TRAPPC8: variants seen among roughly 807,000 people sequenced by gnomAD.
TRAPPC8 encodes general sporulation gene 1 homolog.
TRAPPC8 carries 54 observed loss-of-function variants against 174.3 expected under a neutral mutation model. That is an observed-to-expected ratio of 0.31 (90% CI 0.25 to 0.39). The LOEUF is 0.39. TRAPPC8 is among the 10% of genes least tolerant of loss of function. TRAPPC8 has a pLI of 1.00. For synonymous variants in TRAPPC8, 630 were observed against 579.9 expected (o/e 1.09, Z -1.24); for missense variants, 1,531 against 1,699.1 (o/e 0.90, Z 1.74).
chr18:31,865,730 A>C (rs903661070), intron 18 of TRAPPC8, among the ~76,000 whole-genome samples: 2 of 151,800 alleles, frequency 1.3e-5, no homozygotes, highest in Admixed American at 1.3e-4. Context: ...TGGGAAAAGA[A>C]AGGAGATTCA....
intron 12 of TRAPPC8, among the ~76,000 whole-genome samples, chr18:31,875,549 C>T (rs2145230467): frequency 6.6e-6 from 1 of 152,188 alleles, no homozygotes; most frequent in South Asian, 2.1e-4. Flanking sequence ...CAAGACATGA[C>T]GGGGTTCTCT....
Position 31,830,482 on chromosome 18 carries a change from T to A in TRAPPC8, c.*273A>T. 1 of 363,162 alleles carries A rather than the reference T, an allele frequency of 2.8e-6. No homozygotes were observed. Among genetic ancestry groups the A allele is most frequent in the Non-Finnish European group, 5.0e-6 (1 of 200,192 alleles). 22.5% of individuals were successfully genotyped at this position (363,162 alleles called of 1,614,324 possible). The stretch of plus-strand genomic sequence containing the variant: ...CAGCAGACTTAGACTTTGTGTTTTC[T>A]TAAGATGGGGCTTAATAAGGTGCAC... On this transcript the variant is annotated 3_prime_UTR_variant, in exon 29 of 29. Coordinates refer to ENST00000283351, the MANE Select transcript of TRAPPC8 (RefSeq NM_014939.5).
chr18:31,903,455 A>G (rs2036531596), intron 9 of TRAPPC8, among the ~76,000 whole-genome samples: 1 of 152,216 alleles, frequency 6.6e-6, no homozygotes, highest in Non-Finnish European at 1.5e-5. Flanking sequence ...AGATTAGCCT[A>G]GCTTAAGATT....
chr18:31,913,534 A>G lies in TRAPPC8; in HGVS notation c.618-12T>C. ...AAATTGATTCAGCTCTAAAACAGAA[A>G]ATGGAAAAAAATCTGAAGTAAAAGA... On this transcript the variant is annotated splice_polypyrimidine_tract_variant and intron_variant, in intron 4 of 28. Coordinates refer to ENST00000283351, the MANE Select transcript of TRAPPC8 (RefSeq NM_014939.5). 1 of 1,562,124 alleles carries G rather than the reference A, an allele frequency of 6.4e-7. No homozygotes were observed. The highest frequency in any genetic ancestry group is 2.3e-5 in the East Asian group (1 of 44,116).
chr18:31,864,528 C>G, intron 19 of TRAPPC8, 99 bp downstream of exon 19: 1 of 1,130,350 alleles, frequency 8.8e-7, no homozygotes, highest in Non-Finnish European at 1.3e-6. Context: ...AAGTATAGTT[C>G]AATGTAATAT....
intron 19 of TRAPPC8, among the ~76,000 whole-genome samples, chr18:31,860,088 T>C (rs2034249844): frequency 6.6e-6 from 1 of 152,038 alleles, no homozygotes; most frequent in Admixed American, 6.6e-5. Flanking sequence ...TTTTAAATAG[T>C]TGATATTTGT....
At chr18:31,848,581 A>G (rs1411704054) in intron 25 of TRAPPC8, among the ~76,000 whole-genome samples, 2 of 152,218 alleles carry the variant, frequency 1.3e-5, no homozygotes, top group Non-Finnish European at 2.9e-5. Flanking sequence ...CATTTGAAAC[A>G]TGCAAAGTCA....
At chr18:31,879,990 A>AT (rs1185621417) in intron 12 of TRAPPC8, among the ~76,000 whole-genome samples, 1 of 148,240 alleles carries the variant, frequency 6.7e-6, no homozygotes, top group Non-Finnish European at 1.5e-5. Flanking sequence ...AAATAAATAA[A>AT]CAACCAAATG....
chr18:31,858,643 T>TCA (rs1177143248), intron 19 of TRAPPC8, among the ~76,000 whole-genome samples: 6 of 152,174 alleles, frequency 3.9e-5, no homozygotes, highest in African/African-American at 1.4e-4. Flanking sequence ...TTACATAACT[T>TCA]CACACACACA....
At chr18:31,866,777 T>C (rs2034606440) in intron 18 of TRAPPC8, 72 bp downstream of exon 18, 1 of 1,528,608 alleles carries the variant, frequency 6.5e-7, no homozygotes, top group African/African-American at 1.4e-5. Context: ...AAATACATCA[T>C]TTTTGTCCAT....
In TRAPPC8 at chr18:31,860,540, A is replaced by G. The variant is rs185164309; in HGVS notation, c.2746-2558T>C. Among the ~76,000 whole-genome samples, 317 of 152,284 alleles carry G rather than the reference A, an allele frequency of 2.1e-3. 3 individuals are homozygous for G. The highest frequency in any genetic ancestry group is 7.1e-3 in the African/African-American group (297 of 41,554). On this transcript the variant is annotated intron_variant, in intron 19 of 28. Coordinates refer to ENST00000283351, the MANE Select transcript of TRAPPC8 (RefSeq NM_014939.5). Reference sequence around the variant, plus strand: ...GTTTGATAAATATATATTGTTACAGATTATTTCATCATACAGTATAGATGG... The same window carrying G: ...GTTTGATAAATATATATTGTTACAGGTTATTTCATCATACAGTATAGATGG...
At chr18:31,873,189 T>C (rs2034970667) in intron 14 of TRAPPC8, among the ~76,000 whole-genome samples, 1 of 151,840 alleles carries the variant, frequency 6.6e-6, no homozygotes, top group Non-Finnish European at 1.5e-5. Context: ...AGCTAATTTT[T>C]TGTATTTTTA....
rs202118419 is a variant in TRAPPC8 at position 31,873,410 on chromosome 18, C to T, written c.2062+20G>A. On this transcript the variant is annotated intron_variant, in intron 14 of 28. Transcript: ENST00000283351. The stretch of plus-strand genomic sequence containing the variant: ...TTTAAATTGTCATTAGGTAATTAGG[C>T]TAAATAAAACTTTACTAACCATCCG... The T allele has an allele frequency of 1.3e-6, 2 of 1,577,082 alleles. No individual in the cohort carries two copies. Among genetic ancestry groups the T allele is most frequent in the African/African-American group, 1.4e-5 (1 of 73,450 alleles).
At chr18:31,880,551 G>A (rs112047084) in intron 12 of TRAPPC8, among the ~76,000 whole-genome samples, 6 of 151,948 alleles carry the variant, frequency 3.9e-5, no homozygotes, top group Non-Finnish European at 8.8e-5. Flanking sequence ...ATATTGAATG[G>A]GGAAAAGTTG....
rs756139321 is a variant in TRAPPC8 at position 31,874,572 on chromosome 18, C to G, written c.1861G>C (p.Val621Leu). Residue 621 changes from valine (V) to leucine (L), a missense_variant, in exon 13 of 29, where the codon GTG becomes CTG. Coordinates refer to ENST00000283351, the MANE Select transcript of TRAPPC8 (RefSeq NM_014939.5). ...ATTAGAATATGCCTAAAAGCAGACA[C>G]AGCATTATCCAGCTGTCTAAGAGTA... ...SYTLRQLDNAVSAFRHILINE... is the reference protein window; with the variant it reads ...SYTLRQLDNALSAFRHILINE... 2 of 1,614,004 alleles carry G rather than the reference C, an allele frequency of 1.2e-6. No homozygotes were observed. Among genetic ancestry groups the G allele is most frequent in the South Asian group, 2.2e-5 (2 of 91,084 alleles).
Position 31,903,121 on chromosome 18 carries a change from C to CGTGT in TRAPPC8, c.1390-2100_1390-2097dup, listed in dbSNP as rs3837889. On this transcript the variant is annotated intron_variant, in intron 9 of 28. Coordinates refer to ENST00000283351, the MANE Select transcript of TRAPPC8 (RefSeq NM_014939.5). ...TTTTGATTGCGCGCGTGCGTGCGTG[C>CGTGT]GTGTGTGTGTGTGTGTGTGTGTTTT... Among the ~76,000 whole-genome samples, 899 of 149,086 alleles carry CGTGT rather than the reference C, an allele frequency of 6.0e-3. 6 individuals carry two copies. Among genetic ancestry groups the CGTGT allele is most frequent in the Middle Eastern group, 0.024 (7 of 288 alleles).
At chr18:31,899,085 G>C (rs1236798084) in intron 10 of TRAPPC8, among the ~76,000 whole-genome samples, 1 of 152,022 alleles carries the variant, frequency 6.6e-6, no homozygotes, top group Non-Finnish European at 1.5e-5. Flanking sequence ...AGATATTTAT[G>C]AATACCTAAG....
chr18:31,846,408 T>C (rs541125928), intron 26 of TRAPPC8, among the ~76,000 whole-genome samples: 2 of 151,966 alleles, frequency 1.3e-5, no homozygotes, highest in South Asian at 4.2e-4. Context: ...ACTCCATCTC[T>C]ACAAAAAAAC....
rs1040041557 is a variant in TRAPPC8 at position 31,942,888 on chromosome 18, T to C, written c.-124A>G. ...CGGCCGGGCGGGGCCCCGAACGCAC[T>C]GGAGCCTAGAAACAAGAAGGAACAG... On this transcript the variant is annotated 5_prime_UTR_variant, in exon 1 of 29. Transcript: ENST00000283351. The C allele has an allele frequency of 1.6e-6, 2 of 1,247,916 alleles. No homozygotes were observed. The highest frequency in any genetic ancestry group is 3.2e-5 in the East Asian group (1 of 31,680). The allele number at this position is 1,247,916 out of a possible 1,614,324, so 77.3% of individuals were successfully genotyped here.
Sources: allele counts gnomAD v4.1 joint callset (sites outside exome capture counted in the v4.1 genomes callset), GRCh38; gene constraint gnomAD v4.1.1; transcripts MANE v1.5; gene names NCBI Gene and HGNC (gene_info 2026-07-23, HGNC 2026-07-21).